Variants in SMG6 observed in about 807,000 individuals in gnomAD.
SMG6 encodes the protein telomerase-binding protein EST1A.
A neutral mutation model predicts 142.2 loss-of-function variants in SMG6; 66 were observed. The ratio of observed to expected loss-of-function variants is 0.46; its 90% CI spans 0.38 to 0.57. The LOEUF is 0.57. SMG6 is among the 20% of genes least tolerant of loss of function. The probability of loss-of-function intolerance (pLI) is 0.00; values close to 1 mark genes in which losing one functional copy is unlikely to be tolerated. For synonymous variants in SMG6, 779 were observed against 702.4 expected (o/e 1.11, Z -1.72); for missense variants, 1,793 against 1,832.0 (o/e 0.98, Z 0.39).
intron 13 of SMG6, among the ~76,000 whole-genome samples, chr17:2,119,966 C>T (rs548146664): frequency 5.6e-4 from 85 of 152,094 alleles, no homozygotes; most frequent in Non-Finnish European, 1.0e-3. Context: ...CCGGCCATGT[C>T]CAGCTAACGT....
intron 10 of SMG6, among the ~76,000 whole-genome samples, chr17:2,222,315 C>G (rs1205240713): frequency 6.6e-6 from 1 of 151,708 alleles, no homozygotes; most frequent in Admixed American, 6.6e-5. Flanking sequence ...ATGGTTGGGG[C>G]AGGTCTCACA....
chr17:2,118,287 C>T (rs971505664), intron 13 of SMG6, among the ~76,000 whole-genome samples: 1 of 152,200 alleles, frequency 6.6e-6, no homozygotes, highest in African/African-American at 2.4e-5. Flanking sequence ...CCTGTAATCC[C>T]AGCACTTTGG....
intron 9 of SMG6, among the ~76,000 whole-genome samples, chr17:2,243,424 T>G (rs2073858079): frequency 6.6e-6 from 1 of 152,202 alleles, no homozygotes; most frequent in Non-Finnish European, 1.5e-5. Context: ...TTCACGGCTG[T>G]AATCCCAGCA....
At chr17:2,236,661 A>G (rs1311071800) in intron 9 of SMG6, 24 bp from the exon 10 acceptor site, 3 of 1,598,190 alleles carry the variant, frequency 1.9e-6, no homozygotes, top group African/African-American at 1.3e-5. Flanking sequence ...AAACCCATCA[A>G]TGAGGCACCT....
chr17:2,258,181 A>C (rs993242165), intron 8 of SMG6, among the ~76,000 whole-genome samples: 1 of 151,900 alleles, frequency 6.6e-6, no homozygotes, highest in African/African-American at 2.4e-5. Flanking sequence ...GATAAGTACT[A>C]CTATTATTTC....
At position 2,125,103 on chromosome 17, in the gene SMG6, CAG is replaced by C. The variant is rs568606773; in HGVS notation, c.3358-39204_3358-39203del. On this transcript the variant is annotated intron_variant, in intron 13 of 18. Coordinates refer to ENST00000263073, the MANE Select transcript of SMG6 (RefSeq NM_017575.5). ...AGAAGGAGTTCCATTCCTGCCAGAG[CAG>C]AGTCTACTTTTTGCTAATTTTTTGG... Among the ~76,000 whole-genome samples, 379 of 152,280 alleles carry C rather than the reference CAG, an allele frequency of 2.5e-3. 1 individual carries two copies. The highest frequency in any genetic ancestry group is 4.0e-3 in the Non-Finnish European group (275 of 68,024).
At chr17:2,135,996 A>ATGTGTGTG (rs545225787) in intron 13 of SMG6, among the ~76,000 whole-genome samples, 1,486 of 141,182 alleles carry the variant, frequency 0.011, 15 homozygotes, top group Non-Finnish European at 0.017. Flanking sequence ...ATATATATTT[A>ATGTGTGTG]TGTGTGTGTG....
chr17:2,068,787 G>T lies in SMG6; in HGVS notation c.3826C>A (p.Pro1276Thr). 6.2e-7 allele frequency: 1 copy of T among 1,614,026 alleles called. No individual in the cohort carries two copies. The highest frequency in any genetic ancestry group is 1.1e-5 in the South Asian group (1 of 91,072). The stretch of plus-strand genomic sequence containing the variant: ...TTCCCGCCTGACTCACCGATGAGGG[G>T]CACCACCAGGATGTACTTCCTGCTC... ...LESRKYILVVPLIVINELDGL... is the reference protein window; with the variant it reads ...LESRKYILVVTLIVINELDGL... The change falls in exon 16 of 19, where the codon CCC becomes ACC. Residue 1276 changes from proline (P) to threonine (T), a missense_variant. Physicochemically the swap from Pro to Thr is conservative, Grantham distance 38. This residue lies in a region of SMG6 where 179 missense variants were observed against 212.6 expected (regional missense o/e 0.84). Coordinates refer to ENST00000263073, the MANE Select transcript of SMG6 (RefSeq NM_017575.5). This position sits in a 1 kb window ranked among gnomAD's most constrained non-coding sequence, Gnocchi z 6.7.
intron 10 of SMG6, among the ~76,000 whole-genome samples, chr17:2,205,154 C>T (rs1337559070): frequency 2.6e-5 from 4 of 151,900 alleles, no homozygotes; most frequent in Admixed American, 1.3e-4. Context: ...CTGCAACCTC[C>T]GCGTCCCAGG....
chr17:2,209,780 G>C (rs919140804), intron 10 of SMG6, among the ~76,000 whole-genome samples: 1 of 152,128 alleles, frequency 6.6e-6, no homozygotes, highest in Non-Finnish European at 1.5e-5. Flanking sequence ...GATTACAGGC[G>C]TGAGGCACCG....
At chr17:2,229,642 G>C (rs1222545959) in intron 10 of SMG6, among the ~76,000 whole-genome samples, 1 of 152,190 alleles carries the variant, frequency 6.6e-6, no homozygotes, top group East Asian at 1.9e-4. Flanking sequence ...GTGTCATCAT[G>C]TATTAGAGCA....
Position 2,186,806 on chromosome 17 carries a change from C to T in SMG6, c.3012G>A (p.Gln1004=), listed in dbSNP as rs968062161. 1.5e-5 allele frequency: 24 copies of T among 1,614,162 alleles called. No individual in the cohort carries two copies. Among genetic ancestry groups the T allele is most frequent in the Non-Finnish European group, 1.9e-5 (23 of 1,180,020 alleles). Residue 1004 remains glutamine (Q), a synonymous_variant, in exon 12 of 19, where the codon CAG becomes CAA. Coordinates refer to ENST00000263073, the MANE Select transcript of SMG6 (RefSeq NM_017575.5). The part of the protein sequence containing the change: ...AKAQLSSPED[Q]DDQDDIKVSS... ...ACACCTTGATGTCGTCTTGGTCATC[C>T]TGGTCCTCAGGAGAGGACAGCTGAG...
In SMG6 at chr17:2,255,747, GA is replaced by G. The variant is rs966649090; in HGVS notation, c.2662-11029del. On this transcript the variant is annotated intron_variant, in intron 8 of 18. Transcript: ENST00000263073. Reference sequence around the variant, plus strand: ...GCGGTTTTGTGGAATAGAAAGGGGGGAAAGGTGGGGAAAGAATAGAGAAATT... The same window carrying G: ...GCGGTTTTGTGGAATAGAAAGGGGGGAAGGTGGGGAAAGAATAGAGAAATT... 6 of 198,010 alleles carry G rather than the reference GA, an allele frequency of 3.0e-5. No homozygotes were observed. In the South Asian group the frequency reaches 4.3e-4, roughly 14 times the overall value. The allele number at this position is 198,010 out of a possible 1,614,324, so 12.3% of individuals were successfully genotyped here. A position where few individuals can be genotyped will look rare whatever the true frequency, so the allele number is the denominator to read the frequency against.
intron 8 of SMG6, among the ~76,000 whole-genome samples, chr17:2,277,063 G>A (rs1453874358): frequency 1.3e-5 from 2 of 152,058 alleles, no homozygotes; most frequent in Non-Finnish European, 2.9e-5. Context: ...TTACAGGCAT[G>A]AGCCACTGCG....
intron 10 of SMG6, among the ~76,000 whole-genome samples, chr17:2,205,816 T>A (rs2072661299): frequency 6.6e-6 from 1 of 152,178 alleles, no homozygotes; most frequent in South Asian, 2.1e-4. Context: ...TATATATATT[T>A]TTTTTCTTCC....
chr17:2,066,245 C>CGTGTGTGTGTGCGCGCACGTGT (rs1555529607), intron 16 of SMG6, among the ~76,000 whole-genome samples: 23 of 151,944 alleles, frequency 1.5e-4, no homozygotes, highest in Admixed American at 6.6e-4. Flanking sequence ...TGATACTGCA[C>CGTGTGTGTGTGCGCGCACGTGT]GTGTGTGTGT....
chr17:2,194,163 A>G (rs2072248177), intron 10 of SMG6, among the ~76,000 whole-genome samples: 1 of 152,188 alleles, frequency 6.6e-6, no homozygotes, highest in Non-Finnish European at 1.5e-5. Context: ...GGGGGACCAC[A>G]TGTACTACTT....
At chr17:2,265,882 T>C in intron 8 of SMG6, 3 of 541,478 alleles carry the variant, frequency 5.5e-6, no homozygotes, top group Non-Finnish European at 7.1e-6. Context: ...CAATAATGCA[T>C]ATGACAATCT....
intron 8 of SMG6, among the ~76,000 whole-genome samples, chr17:2,272,478 C>T (rs1376000799): frequency 1.3e-5 from 2 of 152,168 alleles, no homozygotes; most frequent in African/African-American, 4.8e-5. Flanking sequence ...AATTCACTTA[C>T]TTGCTAAAAC....
Sources: gnomAD v4.1 joint callset for allele counts (sites outside exome capture counted in the v4.1 genomes callset) on GRCh38, gnomAD v4.1.1 for gene constraint, gnomAD v4.1.1 regional missense constraint, Gnocchi (gnomAD v3.1) non-coding constraint, MANE v1.5 for transcripts, NCBI Gene and HGNC (gene_info 2026-07-23, HGNC 2026-07-21) for gene names.